MROH9: variants seen among roughly 807,000 people sequenced by gnomAD.
MROH9 encodes the protein maestro heat like repeat family member 9.
Under a neutral mutation model 98.2 loss-of-function variants are expected in MROH9, and 92 were observed. That is an observed-to-expected ratio of 0.94 (90% CI 0.79 to 1.11). MROH9 has a LOEUF of 1.11. MROH9 is among the 50% of genes most tolerant of loss of function. The pLI is 0.00. For synonymous variants in MROH9, 397 were observed against 368.9 expected (o/e 1.08, Z -0.87); for missense variants, 1,057 against 1,014.8 (o/e 1.04, Z -0.57).
At chr1:171,009,155 T>C (rs925754733) in intron 15 of MROH9, among the ~76,000 whole-genome samples, 9 of 151,890 alleles carry the variant, frequency 5.9e-5, no homozygotes, top group African/African-American at 2.2e-4. Flanking sequence ...GTAGAATGGA[T>C]AGGGATGGAA....
In MROH9 at chr1:170,941,169, C is replaced by G. The variant is rs552967363; in HGVS notation, c.-37-4351C>G. On this transcript the variant is annotated intron_variant, in intron 1 of 21. Coordinates refer to ENST00000367759, the MANE Select transcript of MROH9 (RefSeq NM_001163629.2). ...CCTGGAATTATTGTCAGTTCAGAAC[C>G]ATTTTCTAGTACTCCCCAGAAGGTC... is the stretch of plus-strand genomic sequence containing the variant. Among the ~76,000 whole-genome samples, 201 of 152,224 alleles carry G rather than the reference C, an allele frequency of 1.3e-3. 1 individual carries two copies. In the Middle Eastern group the frequency reaches 0.017, roughly 13 times the overall value.
Position 170,996,823 on chromosome 1 carries a change from A to AT in MROH9, c.1475+187dup, listed in dbSNP as rs988826222. Among the ~76,000 whole-genome samples the AT allele has an allele frequency of 1.2e-4, 18 of 151,662 alleles. No homozygotes were observed. In the South Asian group the frequency reaches 1.3e-3, roughly 11 times the overall value. On this transcript the variant is annotated intron_variant, in intron 14 of 21. Coordinates refer to ENST00000367759, the MANE Select transcript of MROH9 (RefSeq NM_001163629.2). ...TTATTTTGAAGCGTTTTTATTTGTG[A>AT]TTTTTTTTCCTTTTTCTTGCCCTCT...
chr1:171,043,232 A>G (rs534790611), intron 20 of MROH9, among the ~76,000 whole-genome samples: 2 of 152,118 alleles, frequency 1.3e-5, no homozygotes, highest in South Asian at 4.2e-4. Flanking sequence ...AGCACCATTT[A>G]TTGAAGAGAC....
chr1:171,013,270 A>C (rs543989037), intron 15 of MROH9, among the ~76,000 whole-genome samples: 1 of 152,334 alleles, frequency 6.6e-6, no homozygotes, highest in East Asian at 1.9e-4. Context: ...TGTTTGGAAC[A>C]GGGCTGCACA....
At chr1:170,968,456 G>T (rs1425260785) in intron 7 of MROH9, among the ~76,000 whole-genome samples, 1 of 152,106 alleles carries the variant, frequency 6.6e-6, no homozygotes, top group African/African-American at 2.4e-5. Flanking sequence ...GGCAAGCCTT[G>T]CTCACACACA....
At chr1:170,971,196 A>G (rs1264089686) in intron 7 of MROH9, among the ~76,000 whole-genome samples, 2 of 152,208 alleles carry the variant, frequency 1.3e-5, no homozygotes, top group Non-Finnish European at 2.9e-5. Context: ...AGAAAGAAAT[A>G]CAGAAATATT....
At chr1:171,055,577 G>A (rs1014121799) in intron 20 of MROH9, among the ~76,000 whole-genome samples, 3 of 143,774 alleles carry the variant, frequency 2.1e-5, no homozygotes, top group Admixed American at 1.5e-4. Context: ...AGCCAAGATC[G>A]CTCCACTGCA....
chr1:171,008,978 T>C (rs1652055902), intron 15 of MROH9, among the ~76,000 whole-genome samples: 1 of 150,674 alleles, frequency 6.6e-6, no homozygotes, highest in Admixed American at 6.6e-5. Flanking sequence ...TAAATACATG[T>C]TTTATGTATT....
chr1:171,037,995 A>G (rs1185010431), intron 20 of MROH9, among the ~76,000 whole-genome samples: 1 of 152,006 alleles, frequency 6.6e-6, no homozygotes, highest in African/African-American at 2.4e-5. Flanking sequence ...AAATCAAATT[A>G]AATAATTTGG....
chr1:171,055,927 C>G (rs1224159997), intron 20 of MROH9, among the ~76,000 whole-genome samples: 2 of 152,138 alleles, frequency 1.3e-5, no homozygotes, highest in African/African-American at 4.8e-5. Context: ...GCCCCTACCC[C>G]CAGGCCAAGG....
chr1:170,981,057 C>T (rs1650910351), intron 8 of MROH9, among the ~76,000 whole-genome samples: 2 of 152,102 alleles, frequency 1.3e-5, no homozygotes, highest in Admixed American at 6.5e-5. Context: ...CAGATTAAAA[C>T]CACAATGAGA....
At chr1:170,985,530 G>T (rs1651099085) in intron 9 of MROH9, among the ~76,000 whole-genome samples, 1 of 152,134 alleles carries the variant, frequency 6.6e-6, no homozygotes, top group Admixed American at 6.5e-5. Context: ...GTACATGACA[G>T]AAACTTCTAA....
chr1:170,988,699 AC>A (rs1395511082), intron 10 of MROH9, among the ~76,000 whole-genome samples: 1 of 152,170 alleles, frequency 6.6e-6, no homozygotes, highest in African/African-American at 2.4e-5. Flanking sequence ...AAGGCTAAAA[AC>A]ATCCCTAAAA....
At chr1:171,004,399 G>A (rs1651882498) in intron 15 of MROH9, among the ~76,000 whole-genome samples, 1 of 151,380 alleles carries the variant, frequency 6.6e-6, no homozygotes, top group Non-Finnish European at 1.5e-5. Flanking sequence ...GCTGCTTGGG[G>A]ACCCAGTGAA....
At chr1:170,944,937 G>A (rs1029230208) in intron 1 of MROH9, among the ~76,000 whole-genome samples, 6 of 151,938 alleles carry the variant, frequency 3.9e-5, no homozygotes, top group African/African-American at 1.4e-4. Flanking sequence ...GTGAAAGAAG[G>A]AACTGTACAG....
chr1:171,052,068 C>T (rs962990543), intron 20 of MROH9, among the ~76,000 whole-genome samples: 3 of 151,588 alleles, frequency 2.0e-5, no homozygotes, highest in Non-Finnish European at 4.4e-5. Context: ...TTCAATTTTA[C>T]TACTTATTGA....
chr1:171,041,873 A>T (rs186247536), intron 20 of MROH9, among the ~76,000 whole-genome samples: 1 of 152,050 alleles, frequency 6.6e-6, no homozygotes, highest in Admixed American at 6.5e-5. Flanking sequence ...GTGGGTACAT[A>T]GTAGGTGTAT....
intron 20 of MROH9, among the ~76,000 whole-genome samples, chr1:171,039,102 C>T (rs754009921): frequency 2.6e-5 from 4 of 152,136 alleles, no homozygotes; most frequent in Non-Finnish European, 5.9e-5. Flanking sequence ...CACATGCTTA[C>T]CTACCTAGGC....
At chr1:170,956,948 C>T (rs1649785735) in intron 3 of MROH9, among the ~76,000 whole-genome samples, 2 of 148,510 alleles carry the variant, frequency 1.3e-5, no homozygotes, top group South Asian at 4.3e-4. Context: ...AGAGGGACTG[C>T]TTTTTGTATG....
Sources: gnomAD v4.1 joint callset for allele counts (sites outside exome capture counted in the v4.1 genomes callset) on GRCh38, gnomAD v4.1.1 for gene constraint, MANE v1.5 for transcripts, NCBI Gene and HGNC (gene_info 2026-07-23, HGNC 2026-07-21) for gene names.